LUZP2: variants seen among roughly 807,000 people sequenced by gnomAD.
LUZP2 encodes the protein leucine zipper protein 2.
LUZP2 carries 52 observed loss-of-function variants against 51.6 expected under a neutral mutation model. The ratio of observed to expected loss-of-function variants is 1.01; its 90% confidence interval spans 0.81 to 1.27. The LOEUF (loss-of-function observed/expected upper bound fraction) is 1.27, where lower values mean the gene tolerates loss of function less well. LUZP2 is among the 50% of genes most tolerant of loss of function. The probability of loss-of-function intolerance (pLI) is 0.00; values close to 1 mark genes in which losing one functional copy is unlikely to be tolerated. For missense variants in LUZP2, 436 were observed against 395.4 expected (o/e 1.10, Z -0.87); for synonymous variants, 154 against 137.3 (o/e 1.12, Z -0.85).
At chr11:25,008,680 G>A (rs370718109) in intron 9 of LUZP2, among the ~76,000 whole-genome samples, 1 of 152,196 alleles carries the variant, frequency 6.6e-6, no homozygotes, top group Non-Finnish European at 1.5e-5. Context: ...ATGAGGTTAT[G>A]TGGACACGAG....
chr11:24,516,999 A>G (rs1056855512), intron 1 of LUZP2, among the ~76,000 whole-genome samples: 34 of 152,264 alleles, frequency 2.2e-4, no homozygotes, highest in African/African-American at 8.2e-4. Context: ...CAGGTTTGAT[A>G]ATTTCTTATT....
At position 24,907,315 on chromosome 11, in the gene LUZP2, AC is replaced by A. The variant is rs1374888443; in HGVS notation, c.459+1263del. On this transcript the variant is annotated intron_variant, in intron 6 of 11. Transcript: ENST00000336930. ...ACACAAATACAAAAAAAAAAAAAAA[AC>A]ATTAACACAAATACAAAATAACATG... Among the ~76,000 whole-genome samples, 1,054 of 151,406 alleles carry A rather than the reference AC, an allele frequency of 7.0e-3. 17 individuals are homozygous for A. The highest frequency in any genetic ancestry group is 0.03 in the East Asian group (152 of 5,148).
In LUZP2 at chr11:25,077,440, A is replaced by T. The variant is rs776067116; in HGVS notation, c.936+34A>T. The T allele has an allele frequency of 3.4e-6, 4 of 1,166,390 alleles. No individual in the cohort carries two copies. In the South Asian group the frequency reaches 5.3e-5, roughly 15 times the overall value. 72.3% of individuals were successfully genotyped at this position (1,166,390 alleles called of 1,614,324 possible). The stretch of plus-strand genomic sequence containing the variant: ...TTGTTTTATTTCGTTTGTGTCAAAA[A>T]GCATTTATTGGATCCATTGTATTTA... On this transcript the variant is annotated intron_variant, in intron 11 of 11. Transcript: ENST00000336930.
intron 1 of LUZP2, among the ~76,000 whole-genome samples, chr11:24,557,622 A>G (rs557405709): frequency 3.3e-4 from 50 of 152,298 alleles, no homozygotes; most frequent in African/African-American, 1.2e-3. Context: ...AGTCAAAATC[A>G]AAACCTGAGA....
At chr11:24,523,188 A>T (rs1331769968) in intron 1 of LUZP2, among the ~76,000 whole-genome samples, 1 of 152,188 alleles carries the variant, frequency 6.6e-6, no homozygotes, top group African/African-American at 2.4e-5. Context: ...GCTTTTCAGT[A>T]TAAGAAATCT....
At chr11:24,984,524 T>TTATATATATATATATA (rs1209500084) in intron 9 of LUZP2, among the ~76,000 whole-genome samples, 30 of 90,044 alleles carry the variant, frequency 3.3e-4, no homozygotes, top group East Asian at 1.1e-3. Flanking sequence ...ATTACATATT[T>TTATATATATATATATA]TATATATATA....
At chr11:24,904,376 G>A (rs773127245) in intron 5 of LUZP2, among the ~76,000 whole-genome samples, 47 of 152,036 alleles carry the variant, frequency 3.1e-4, no homozygotes, top group Non-Finnish European at 5.7e-4. Context: ...TCTGCCTCCT[G>A]GGTTCACACC....
intron 9 of LUZP2, among the ~76,000 whole-genome samples, chr11:25,003,804 T>C (rs1343441918): frequency 6.6e-6 from 1 of 152,152 alleles, no homozygotes; most frequent in Non-Finnish European, 1.5e-5. Context: ...GGGTAACTTG[T>C]TCCCCATATT....
intron 5 of LUZP2, among the ~76,000 whole-genome samples, chr11:24,806,014 G>T (rs920860269): frequency 3.9e-5 from 6 of 152,212 alleles, no homozygotes; most frequent in Admixed American, 3.9e-4. Context: ...GGAGCTAGAT[G>T]TTGGCCTGAC....
At chr11:24,722,053 G>A (rs548795270) in intron 1 of LUZP2, among the ~76,000 whole-genome samples, 23 of 152,134 alleles carry the variant, frequency 1.5e-4, no homozygotes, top group East Asian at 7.7e-4. Context: ...ATATGTTCCC[G>A]TGCAACACAG....
At chr11:24,833,200 T>A (rs1850750014) in intron 5 of LUZP2, among the ~76,000 whole-genome samples, 1 of 152,166 alleles carries the variant, frequency 6.6e-6, no homozygotes, top group South Asian at 2.1e-4. Context: ...ATAAAAGACC[T>A]ACTGTCTAGA....
chr11:24,749,454 G>T (rs1190885559), intron 4 of LUZP2, among the ~76,000 whole-genome samples: 1 of 152,114 alleles, frequency 6.6e-6, no homozygotes. Flanking sequence ...TTGTTTCTGG[G>T]TGTGTCTGTG....
chr11:24,904,493 C>T (rs944240081), intron 5 of LUZP2, among the ~76,000 whole-genome samples: 20 of 152,114 alleles, frequency 1.3e-4, no homozygotes, highest in Non-Finnish European at 2.6e-4. Context: ...CTGTGTTAGC[C>T]AGGATGGTCT....
chr11:24,682,459 C>G (rs1856765574), intron 1 of LUZP2, among the ~76,000 whole-genome samples: 1 of 148,858 alleles, frequency 6.7e-6, no homozygotes, highest in Non-Finnish European at 1.5e-5. Context: ...CGTGCCACTG[C>G]ACTCCAGCCT....
At chr11:24,709,257 A>G (rs955389322) in intron 1 of LUZP2, among the ~76,000 whole-genome samples, 1 of 152,172 alleles carries the variant, frequency 6.6e-6, no homozygotes, top group Non-Finnish European at 1.5e-5. Flanking sequence ...AGGGAGAAGA[A>G]TAAGGCTAAT....
At chr11:24,604,145 T>G (rs553360860) in intron 1 of LUZP2, among the ~76,000 whole-genome samples, 19 of 152,010 alleles carry the variant, frequency 1.2e-4, no homozygotes, top group Middle Eastern at 6.8e-3. Flanking sequence ...GCATACTATA[T>G]TCTGTGTTAT....
chr11:25,003,239 C>A (rs1165933447), intron 9 of LUZP2, among the ~76,000 whole-genome samples: 1 of 152,150 alleles, frequency 6.6e-6, no homozygotes, highest in East Asian at 1.9e-4. Flanking sequence ...TGAGAAGAGA[C>A]CTAGATCTTG....
rs1321294611 is a variant in LUZP2 at position 25,037,005 on chromosome 11, C to CT, written c.766-13027dup. The stretch of plus-strand genomic sequence containing the variant: ...AGCGTCAAGTTTTAGACTAGAATCT[C>CT]TTTTTTAGCTTTCTGCCTCGATGAT... On this transcript the variant is annotated intron_variant, in intron 9 of 11. Transcript: ENST00000336930. Among the ~76,000 whole-genome samples, 4 of 152,050 alleles carry CT rather than the reference C, an allele frequency of 2.6e-5. No homozygotes were observed. The East Asian group carries it at 5.8e-4, about 22-fold the overall frequency.
chr11:24,854,165 G>T (rs1851481558), intron 5 of LUZP2, among the ~76,000 whole-genome samples: 1 of 152,198 alleles, frequency 6.6e-6, no homozygotes, highest in Admixed American at 6.5e-5. Context: ...GAGATCTGCT[G>T]CTCTCTTCAG....
Sources: allele counts gnomAD v4.1 joint callset (sites outside exome capture counted in the v4.1 genomes callset), GRCh38; gene constraint gnomAD v4.1.1; transcripts MANE v1.5; gene names NCBI Gene and HGNC (gene_info 2026-07-23, HGNC 2026-07-21).